The following EGFLAM variants were observed in gnomAD, a reference collection of about 807,000 sequenced individuals.
The protein encoded by EGFLAM is pikachurin.
A neutral mutation model predicts 113.1 loss-of-function variants in EGFLAM; 79 were observed. The ratio of observed to expected loss-of-function variants is 0.70; its 90% CI spans 0.58 to 0.84. The LOEUF is 0.84. Ranked by LOEUF, EGFLAM falls within the 40% of genes least tolerant of loss-of-function variation. EGFLAM has a pLI of 0.00. For synonymous variants in EGFLAM, 504 were observed against 487.6 expected (o/e 1.03, Z -0.44); for missense variants, 1,265 against 1,291.6 (o/e 0.98, Z 0.32).
At chr5:38,259,390 GGTTAATTTTACCGT>G (rs1160052957) in intron 1 of EGFLAM, among the ~76,000 whole-genome samples, 1 of 152,148 alleles carries the variant, frequency 6.6e-6, no homozygotes, top group African/African-American at 2.4e-5. Flanking sequence ...GCACCCAGTG[GGTTAATTTTACCGT>G]GTTTTGAACT....
chr5:38,354,493 T>C (rs1739711874), intron 5 of EGFLAM, among the ~76,000 whole-genome samples: 1 of 151,800 alleles, frequency 6.6e-6, no homozygotes, highest in Non-Finnish European at 1.5e-5. Context: ...CTTTGGGAGG[T>C]CAAGGCAGGC....
intron 1 of EGFLAM, among the ~76,000 whole-genome samples, chr5:38,281,932 CAA>C (rs1758031627): frequency 4.6e-5 from 7 of 152,112 alleles, no homozygotes; most frequent in African/African-American, 1.7e-4. Flanking sequence ...TTTCTGGACA[CAA>C]ATGAAATAAA....
intron 10 of EGFLAM, among the ~76,000 whole-genome samples, chr5:38,411,483 C>CTTTTTTTTT (rs759299989): frequency 1.8e-5 from 2 of 113,416 alleles, no homozygotes; most frequent in African/African-American, 3.6e-5. Context: ...TCATTAATTT[C>CTTTTTTTTT]TTTTTTTTTT....
At chr5:38,398,919 C>CT (rs200138040) in intron 6 of EGFLAM, among the ~76,000 whole-genome samples, 23 of 150,680 alleles carry the variant, frequency 1.5e-4, no homozygotes, top group African/African-American at 4.7e-4. Context: ...ATTAATAGCA[C>CT]TTTTTTTGGC....
At chr5:38,462,856 G>C in intron 20 of EGFLAM, 52 bp from the exon 21 acceptor site, 2 of 1,586,752 alleles carry the variant, frequency 1.3e-6, no homozygotes, top group South Asian at 1.1e-5. Flanking sequence ...ATGATTGAAT[G>C]AACTCCAAAA....
intron 11 of EGFLAM, among the ~76,000 whole-genome samples, chr5:38,415,749 G>T (rs556730431): frequency 6.6e-6 from 1 of 152,150 alleles, no homozygotes; most frequent in Non-Finnish European, 1.5e-5. Context: ...AAGAAAAGAG[G>T]TTTAATTGAC....
intron 6 of EGFLAM, among the ~76,000 whole-genome samples, chr5:38,373,225 A>C (rs1328498734): frequency 6.6e-6 from 1 of 150,982 alleles, no homozygotes; most frequent in Non-Finnish European, 1.5e-5. Context: ...ATTAAAAAAA[A>C]TGAGTTTTTA....
chr5:38,323,899 T>A (rs1198856559), intron 1 of EGFLAM, among the ~76,000 whole-genome samples: 1 of 151,930 alleles, frequency 6.6e-6, no homozygotes, highest in African/African-American at 2.4e-5. Flanking sequence ...AAAGTTAAGC[T>A]GGCGTGGTGG....
intron 5 of EGFLAM, among the ~76,000 whole-genome samples, chr5:38,368,793 A>G (rs2112030853): frequency 6.6e-6 from 1 of 152,094 alleles, no homozygotes; most frequent in East Asian, 1.9e-4. Context: ...GGGCCTCACC[A>G]TTTATCAGCT....
intron 19 of EGFLAM, among the ~76,000 whole-genome samples, chr5:38,455,203 A>G (rs748984494): frequency 2.0e-5 from 3 of 152,248 alleles, no homozygotes; most frequent in Middle Eastern, 3.4e-3. Context: ...CACCACAGGA[A>G]AGCAGGAAGG....
intron 6 of EGFLAM, among the ~76,000 whole-genome samples, chr5:38,376,873 G>A (rs1740378040): frequency 6.6e-6 from 1 of 152,080 alleles, no homozygotes; most frequent in Non-Finnish European, 1.5e-5. Flanking sequence ...GTTTCACCAT[G>A]TTGCCCAGGC....
At chr5:38,419,327 T>C (rs187501138) in intron 12 of EGFLAM, among the ~76,000 whole-genome samples, 2 of 152,292 alleles carry the variant, frequency 1.3e-5, no homozygotes, top group Admixed American at 1.3e-4. Flanking sequence ...TGGGTCGATA[T>C]CCCTATGATA....
At chr5:38,300,318 A>G (rs73073460) in intron 1 of EGFLAM, among the ~76,000 whole-genome samples, 6,080 of 152,118 alleles carry the variant, frequency 0.04, 414 homozygotes, top group African/African-American at 0.14. Context: ...GGTTTTGAGC[A>G]GAGGAATAAC....
intron 12 of EGFLAM, among the ~76,000 whole-genome samples, chr5:38,418,560 A>G (rs1741729140): frequency 6.6e-6 from 1 of 152,234 alleles, no homozygotes; most frequent in South Asian, 2.1e-4. Flanking sequence ...CAAAGCAACA[A>G]GCGATCCAGC....
Position 38,458,407 on chromosome 5 carries a change from C to A in EGFLAM, c.2771+13C>A, listed in dbSNP as rs199827426. 9.0e-5 allele frequency: 145 copies of A among 1,612,904 alleles called. 3 individuals are homozygous for A. The South Asian group carries it at 1.5e-3, about 17-fold the overall frequency. ...TTAAGGCCGTTAGGTGAGTCCCTCC[C>A]GCAGCATGAGGCAGAGCCAGAGCTG... is the stretch of plus-strand genomic sequence containing the variant. On this transcript the variant is annotated intron_variant, in intron 20 of 21. Coordinates refer to ENST00000322350, the MANE Select transcript of EGFLAM (RefSeq NM_152403.4).
chr5:38,338,574 A>G, intron 2 of EGFLAM, 124 bp from the exon 3 acceptor site: 1 of 847,754 alleles, frequency 1.2e-6, no homozygotes, highest in Non-Finnish European at 1.9e-6. Flanking sequence ...GTTCCCGCAG[A>G]ACTAGTGCAC....
intron 1 of EGFLAM, among the ~76,000 whole-genome samples, chr5:38,302,013 G>T (rs1156353115): frequency 6.6e-6 from 1 of 152,138 alleles, no homozygotes; most frequent in Non-Finnish European, 1.5e-5. Flanking sequence ...GCCAAGGTGG[G>T]TGGATCACAT....
At chr5:38,291,471 AG>A (rs1758330095) in intron 1 of EGFLAM, among the ~76,000 whole-genome samples, 1 of 152,286 alleles carries the variant, frequency 6.6e-6, no homozygotes, top group Admixed American at 6.5e-5. Context: ...ACTCCTGAGT[AG>A]GAACAGAAGA....
intron 1 of EGFLAM, among the ~76,000 whole-genome samples, chr5:38,263,200 G>A (rs1367548770): frequency 6.6e-6 from 1 of 152,220 alleles, no homozygotes; most frequent in Admixed American, 6.5e-5. Flanking sequence ...GGTGGCCCAT[G>A]CCTGTAATCC....
Sources: gnomAD v4.1 joint callset for allele counts (sites outside exome capture counted in the v4.1 genomes callset) on GRCh38, gnomAD v4.1.1 for gene constraint, MANE v1.5 for transcripts, NCBI Gene and HGNC (gene_info 2026-07-23, HGNC 2026-07-21) for gene names.